The following CACNA2D1 variants were observed in gnomAD, a reference collection of about 807,000 sequenced individuals.
CACNA2D1 encodes calcium voltage-gated channel auxiliary subunit alpha2delta 1.
A neutral mutation model predicts 171.5 loss-of-function variants in CACNA2D1; 53 were observed. That is an observed-to-expected ratio of 0.31 (90% confidence interval 0.25 to 0.39). The LOEUF is 0.39. Among genes scored for constraint, CACNA2D1 ranks in the 10% least tolerant of loss-of-function variants. The pLI is 1.00. For missense variants in CACNA2D1, 903 were observed against 1,299.8 expected, an observed-to-expected ratio of 0.69 and a Z score of 4.69; for synonymous variants, 442 against 443.1, an observed-to-expected ratio of 1.00 and a Z score of 0.03.
chr7:82,340,348 T>G (rs75023570), intron 2 of CACNA2D1, among the ~76,000 whole-genome samples: 3,597 of 151,876 alleles, frequency 0.024, 150 homozygotes, highest in African/African-American at 0.074. Context: ...TTTGTTTTTT[T>G]TTTTTTTTAA....
At chr7:82,134,110 T>C (rs1016474894) in intron 5 of CACNA2D1, among the ~76,000 whole-genome samples, 9 of 151,920 alleles carry the variant, frequency 5.9e-5, no homozygotes, top group African/African-American at 2.2e-4. Context: ...AGTAAACATA[T>C]ATGTTCATGA....
chr7:82,175,327 A>T (rs866147556), intron 3 of CACNA2D1, among the ~76,000 whole-genome samples: 4 of 152,078 alleles, frequency 2.6e-5, no homozygotes, highest in Non-Finnish European at 5.9e-5. Flanking sequence ...ATGTAAGTCA[A>T]GATTTTCCTT....
intron 18 of CACNA2D1, among the ~76,000 whole-genome samples, chr7:81,998,678 T>C (rs373577867): frequency 6.6e-6 from 1 of 152,064 alleles, no homozygotes; most frequent in East Asian, 1.9e-4. Flanking sequence ...AAGTACTCTA[T>C]CACTACAATC....
At chr7:82,125,415 A>G (rs2129062118) in intron 5 of CACNA2D1, among the ~76,000 whole-genome samples, 1 of 152,332 alleles carries the variant, frequency 6.6e-6, no homozygotes, top group Non-Finnish European at 1.5e-5. Flanking sequence ...ACTAATCTTC[A>G]GGGAATTTAA....
intron 6 of CACNA2D1, among the ~76,000 whole-genome samples, chr7:82,116,375 T>A (rs1789043499): frequency 6.6e-6 from 1 of 152,164 alleles, no homozygotes; most frequent in African/African-American, 2.4e-5. Flanking sequence ...CTGCGCAAGC[T>A]TCCGCCACTA....
At position 82,033,639 on chromosome 7, in the gene CACNA2D1, CCT is replaced by C. The variant is rs543508851; in HGVS notation, c.1039-740_1039-739del. Among the ~76,000 whole-genome samples, 936 of 152,084 alleles carry C rather than the reference CCT, an allele frequency of 6.2e-3. 14 individuals carry two copies. The highest frequency in any genetic ancestry group is 5.4e-3 in the Non-Finnish European group (367 of 67,938). ...ACCTATTCCCAGGATGTCCTCTTATCCTCTCTCAACCAACCACACATATTCTA... is the reference window on the plus strand; with the variant it reads ...ACCTATTCCCAGGATGTCCTCTTATCCTCTCAACCAACCACACATATTCTA... On this transcript the variant is annotated intron_variant, in intron 11 of 38. Coordinates refer to ENST00000356860, the MANE Select transcript of CACNA2D1 (RefSeq NM_000722.4).
intron 3 of CACNA2D1, among the ~76,000 whole-genome samples, chr7:82,242,819 T>G (rs1804472962): frequency 6.6e-6 from 1 of 152,128 alleles, no homozygotes; most frequent in Admixed American, 6.5e-5. Context: ...AATACTGAAT[T>G]TATTGCAGAA....
chr7:82,078,262 T>C (rs1438295334), intron 7 of CACNA2D1, among the ~76,000 whole-genome samples: 2 of 152,144 alleles, frequency 1.3e-5, no homozygotes, highest in African/African-American at 4.8e-5. Context: ...TTTAGTTTTC[T>C]CCCTTTTTTA....
At chr7:82,390,107 A>C (rs2129450479) in intron 1 of CACNA2D1, among the ~76,000 whole-genome samples, 1 of 152,314 alleles carries the variant, frequency 6.6e-6, no homozygotes, top group African/African-American at 2.4e-5. Flanking sequence ...AGGGCAATGT[A>C]GGTGTGGCTC....
chr7:82,108,284 G>A (rs60993894), intron 6 of CACNA2D1, among the ~76,000 whole-genome samples: 12,370 of 152,130 alleles, frequency 0.081, 596 homozygotes, highest in South Asian at 0.16. Flanking sequence ...TTAAGGGTTA[G>A]TGTGTACTAT....
intron 1 of CACNA2D1, among the ~76,000 whole-genome samples, chr7:82,369,740 A>G (rs1234077807): frequency 6.6e-6 from 1 of 152,022 alleles, no homozygotes; most frequent in Admixed American, 6.6e-5. Context: ...ACCTTAGAAT[A>G]GCCCAGTTCC....
intron 7 of CACNA2D1, among the ~76,000 whole-genome samples, chr7:82,083,579 A>G (rs1023917333): frequency 6.6e-6 from 1 of 152,136 alleles, no homozygotes; most frequent in Admixed American, 6.6e-5. Flanking sequence ...ATAATGATAA[A>G]CTATGTAATA....
chr7:82,020,540 A>G (rs1801060113), intron 12 of CACNA2D1, among the ~76,000 whole-genome samples: 1 of 152,096 alleles, frequency 6.6e-6, no homozygotes, highest in Non-Finnish European at 1.5e-5. Context: ...AGCTATGGTA[A>G]TGAAGATGAT....
At chr7:82,402,397 TAGA>T (rs1563500116) in intron 1 of CACNA2D1, among the ~76,000 whole-genome samples, 4 of 151,984 alleles carry the variant, frequency 2.6e-5, no homozygotes, top group African/African-American at 9.7e-5. Context: ...AGAATGAAGA[TAGA>T]AGGAGAGACT....
intron 12 of CACNA2D1, 124 bp from the exon 13 acceptor site, chr7:82,014,603 T>C: frequency 1.5e-6 from 1 of 679,192 alleles, no homozygotes; most frequent in Non-Finnish European, 2.7e-6. Flanking sequence ...CAAGAAAAAC[T>C]GAGGCCAGTA....
intron 3 of CACNA2D1, among the ~76,000 whole-genome samples, chr7:82,239,150 C>G (rs1803954642): frequency 6.6e-6 from 1 of 151,814 alleles, no homozygotes; most frequent in Non-Finnish European, 1.5e-5. Flanking sequence ...TTAAGAAAAA[C>G]AGAATATTAT....
intron 3 of CACNA2D1, among the ~76,000 whole-genome samples, chr7:82,267,707 A>G (rs1206767879): frequency 6.6e-6 from 1 of 152,138 alleles, no homozygotes; most frequent in Non-Finnish European, 1.5e-5. Context: ...TTAAACCTAC[A>G]AACTCGGCTG....
At chr7:82,246,125 GA>G (rs1012148471) in intron 3 of CACNA2D1, among the ~76,000 whole-genome samples, 7 of 150,766 alleles carry the variant, frequency 4.6e-5, no homozygotes, top group Admixed American at 1.3e-4. Flanking sequence ...GTTTATTGTA[GA>G]AAAAAAACTA....
chr7:81,955,126 G>A (rs745344175), intron 38 of CACNA2D1, among the ~76,000 whole-genome samples: 4 of 152,062 alleles, frequency 2.6e-5, no homozygotes, highest in Non-Finnish European at 5.9e-5. Flanking sequence ...TTATCAAAAA[G>A]TCTTGTTTGA....
Sources: allele counts gnomAD v4.1 joint callset (sites outside exome capture counted in the v4.1 genomes callset), GRCh38; gene constraint gnomAD v4.1.1; transcripts MANE v1.5; gene names NCBI Gene and HGNC (gene_info 2026-07-23, HGNC 2026-07-21).